The following ASCC3 variants were observed in gnomAD, a reference collection of about 807,000 sequenced individuals.
ASCC3 encodes the protein ASC-1 complex subunit P200.
ASCC3 carries 158 observed loss-of-function variants against 256.3 expected under a neutral mutation model. The ratio of observed to expected loss-of-function variants is 0.62; its 90% CI spans 0.54 to 0.70. ASCC3 has a LOEUF of 0.70. Among genes scored for constraint, ASCC3 ranks in the 30% least tolerant of loss-of-function variants. The pLI is 0.00. For missense variants in ASCC3, 2,259 were observed against 2,626.0 expected, an observed-to-expected ratio of 0.86 and a Z score of 3.05; for synonymous variants, 948 against 883.4, an observed-to-expected ratio of 1.07 and a Z score of -1.30.
chr6:100,789,795 G>GTACC (rs1407511392), intron 8 of ASCC3, among the ~76,000 whole-genome samples: 1 of 151,920 alleles, frequency 6.6e-6, no homozygotes, highest in Non-Finnish European at 1.5e-5. Context: ...ACATGATATT[G>GTACC]TACCGATGGC....
chr6:100,791,062 ATAATT>A (rs1406940713), intron 8 of ASCC3, among the ~76,000 whole-genome samples: 1 of 151,884 alleles, frequency 6.6e-6, no homozygotes, highest in Admixed American at 6.6e-5. Context: ...TTATTTTTTA[ATAATT>A]TAAATAATTG....
chr6:100,859,169 T>A (rs778375211), intron 3 of ASCC3: 3 of 779,964 alleles, frequency 3.8e-6, no homozygotes, highest in East Asian at 4.9e-5. Context: ...CTCTTTTCCA[T>A]CCAGCCTCCT....
At chr6:100,654,090 A>G (rs1403951207) in intron 17 of ASCC3, among the ~76,000 whole-genome samples, 3 of 152,136 alleles carry the variant, frequency 2.0e-5, no homozygotes, top group African/African-American at 7.2e-5. Flanking sequence ...CAGGGAAGTA[A>G]GATGGAGTCA....
In ASCC3 at chr6:100,758,047, G is replaced by A. The variant is rs571066889; in HGVS notation, c.1737+8518C>T. Among the ~76,000 whole-genome samples, 24 of 151,984 alleles carry A rather than the reference G, an allele frequency of 1.6e-4. No individual in the cohort carries two copies. The South Asian group carries it at 4.0e-3, about 25-fold the overall frequency. Reference sequence around the variant, plus strand: ...TGGGAACATGTGTAAAAAGAGTATCGGCTACCATCCCACCCAGGAGATTTA... The same window carrying A: ...TGGGAACATGTGTAAAAAGAGTATCAGCTACCATCCCACCCAGGAGATTTA... On this transcript the variant is annotated intron_variant, in intron 10 of 41. Coordinates refer to ENST00000369162, the MANE Select transcript of ASCC3 (RefSeq NM_006828.4).
chr6:100,591,290 G>A (rs1218790482), intron 34 of ASCC3, among the ~76,000 whole-genome samples: 2 of 151,994 alleles, frequency 1.3e-5, no homozygotes, highest in Non-Finnish European at 2.9e-5. Context: ...TTAGAATAAT[G>A]TCTTCTGCTT....
chr6:100,704,967 T>C (rs1778513466), intron 13 of ASCC3, among the ~76,000 whole-genome samples: 1 of 152,096 alleles, frequency 6.6e-6, no homozygotes. Context: ...ATTAATTATT[T>C]TCCCATTCTG....
At chr6:100,766,737 A>T (rs909055215) in intron 9 of ASCC3, 32 bp from the exon 10 acceptor site, 2 of 1,613,606 alleles carry the variant, frequency 1.2e-6, no homozygotes, top group East Asian at 2.2e-5. Flanking sequence ...TTGATTAATG[A>T]GCAAAAACTA....
At chr6:100,770,736 ACT>A (rs1268413120) in intron 8 of ASCC3, among the ~76,000 whole-genome samples, 1 of 151,902 alleles carries the variant, frequency 6.6e-6, no homozygotes, top group Non-Finnish European at 1.5e-5. Context: ...TAAAAATAGC[ACT>A]CTGTTATGAA....
At chr6:100,552,216 GA>G (rs1472941247) in intron 36 of ASCC3, among the ~76,000 whole-genome samples, 1 of 151,516 alleles carries the variant, frequency 6.6e-6, no homozygotes. Context: ...TGAATTTTAA[GA>G]GTTAATTGAA....
At chr6:100,735,711 G>A (rs1363463952) in intron 10 of ASCC3, among the ~76,000 whole-genome samples, 2 of 152,124 alleles carry the variant, frequency 1.3e-5, no homozygotes, top group Middle Eastern at 3.4e-3. Context: ...TTCTTCTGAA[G>A]ACAATAAGAT....
intron 4 of ASCC3, among the ~76,000 whole-genome samples, chr6:100,825,273 ATTTTTTTT>A (rs71028036): frequency 7.1e-6 from 1 of 141,360 alleles, no homozygotes; most frequent in African/African-American, 2.6e-5. Context: ...TTCTTTTGTG[ATTTTTTTT>A]TTTTTTTTTT....
At chr6:100,815,576 A>G (rs1448463391) in intron 4 of ASCC3, among the ~76,000 whole-genome samples, 1 of 152,012 alleles carries the variant, frequency 6.6e-6, no homozygotes, top group African/African-American at 2.4e-5. Context: ...ATATATAGAC[A>G]AATAGAACAG....
At chr6:100,510,983 C>T (rs1201640417) in intron 40 of ASCC3, among the ~76,000 whole-genome samples, 1 of 152,088 alleles carries the variant, frequency 6.6e-6, no homozygotes, top group Non-Finnish European at 1.5e-5. Context: ...AAGAGATTTT[C>T]TGGCATGATT....
chr6:100,627,971 A>C lies in ASCC3; in HGVS notation c.4392T>G (p.Pro1464=). 6.2e-7 allele frequency: 1 copy of C among 1,613,560 alleles called. No homozygotes were observed. Among genetic ancestry groups the C allele is most frequent in the Non-Finnish European group, 8.5e-7 (1 of 1,179,762 alleles). The change falls in exon 28 of 42, where the codon CCT becomes CCG. Residue 1464 remains proline (P), a synonymous_variant. Transcript: ENST00000369162. The stretch of plus-strand genomic sequence containing the variant: ...TTCGAGATACAATGACCTCTAGAAC[A>C]GGGCCTCTTTCCTCCCCTAGAAAAT... The part of the protein sequence containing the change: ...EIHLLGEERG[P]VLEVIVSRTN...
intron 4 of ASCC3, among the ~76,000 whole-genome samples, chr6:100,824,273 A>G (rs1404295747): frequency 6.6e-6 from 1 of 152,230 alleles, no homozygotes; most frequent in Non-Finnish European, 1.5e-5. Context: ...AGTAAGCACT[A>G]AAACAGGCTT....
intron 13 of ASCC3, among the ~76,000 whole-genome samples, chr6:100,701,544 C>T (rs770807866): frequency 1.1e-4 from 17 of 152,222 alleles, no homozygotes; most frequent in Non-Finnish European, 1.9e-4. Flanking sequence ...CAGTGCCTAA[C>T]GGTGCATTTC....
At chr6:100,518,716 C>T (rs574802260) in intron 37 of ASCC3, among the ~76,000 whole-genome samples, 2 of 152,242 alleles carry the variant, frequency 1.3e-5, no homozygotes, top group East Asian at 3.9e-4. Flanking sequence ...TTAGTCTATA[C>T]ATTTAATCTA....
chr6:100,534,566 T>C (rs909992006), intron 37 of ASCC3, among the ~76,000 whole-genome samples: 7 of 152,188 alleles, frequency 4.6e-5, no homozygotes, highest in African/African-American at 1.7e-4. Flanking sequence ...ATTCCATAAA[T>C]ATGCAATTTA....
At chr6:100,709,649 T>G (rs1047302146) in intron 13 of ASCC3, among the ~76,000 whole-genome samples, 1 of 152,134 alleles carries the variant, frequency 6.6e-6, no homozygotes, top group African/African-American at 2.4e-5. Flanking sequence ...GTGAAGACCA[T>G]GTAGAAACAT....
Sources: allele counts gnomAD v4.1 joint callset (sites outside exome capture counted in the v4.1 genomes callset), GRCh38; gene constraint gnomAD v4.1.1; transcripts MANE v1.5; gene names NCBI Gene and HGNC (gene_info 2026-07-23, HGNC 2026-07-21).